PRELID2: variants seen among roughly 807,000 people sequenced by gnomAD.
The protein encoded by PRELID2 is PRELI domain-containing protein 2.
A neutral mutation model predicts 28.4 loss-of-function variants in PRELID2; 25 were observed. The ratio of observed to expected loss-of-function variants is 0.88; its 90% CI spans 0.64 to 1.23. The LOEUF is 1.23. PRELID2 is among the 50% of genes most tolerant of loss of function. The pLI, the probability that PRELID2 is intolerant of heterozygous loss-of-function variation, is 0.00. For synonymous variants in PRELID2, 76 were observed against 71.6 expected (o/e 1.06, Z -0.31); for missense variants, 201 against 214.4 (o/e 0.94, Z 0.39).
chr5:145,819,422 G>C (rs777178400), intron 3 of PRELID2: 2 of 1,580,804 alleles, frequency 1.3e-6, no homozygotes, highest in African/African-American at 1.4e-5. Context: ...GGACTTCAAA[G>C]AGAGAAAACA....
At chr5:145,754,932 T>C (rs1478501724), downstream of PRELID2, among the ~76,000 whole-genome samples, 2 of 152,180 alleles carry the variant, frequency 1.3e-5, no homozygotes, top group African/African-American at 4.8e-5. Context: ...CTTATATAAT[T>C]CTGACTGAAA....
At chr5:145,772,345 A>G (rs1758159705) in intron 5 of PRELID2, among the ~76,000 whole-genome samples, 1 of 152,214 alleles carries the variant, frequency 6.6e-6, no homozygotes, top group South Asian at 2.1e-4. Context: ...GGAAGTTTAA[A>G]TGAGAATGCA....
chr5:145,332,252 G>C, the PRELID2 span, among the ~76,000 whole-genome samples: 1 of 152,232 alleles, frequency 6.6e-6, no homozygotes, highest in South Asian at 2.1e-4. Context: ...TCTTGGGGTT[G>C]CTCTTCTCAA....
intron 1 of PRELID2, among the ~76,000 whole-genome samples, chr5:145,490,729 A>G (rs1266376434): frequency 6.6e-6 from 1 of 152,248 alleles, no homozygotes; most frequent in African/African-American, 2.4e-5. Context: ...AAATTTAATT[A>G]AACCTAAAGA....
chr5:145,241,547 C>T, the PRELID2 span, among the ~76,000 whole-genome samples: 10 of 151,968 alleles, frequency 6.6e-5, no homozygotes, highest in Non-Finnish European at 1.2e-4. Flanking sequence ...CACATATTAT[C>T]TGTTTTTTAA....
chr5:145,810,898 T>C (rs1017758916), intron 4 of PRELID2, among the ~76,000 whole-genome samples: 5 of 151,914 alleles, frequency 3.3e-5, no homozygotes, highest in Admixed American at 3.3e-4. Flanking sequence ...AGAATTCTTC[T>C]TTTTCCTCTT....
Position 145,822,964 on chromosome 5 carries a change from G to A in PRELID2, c.133+113C>T, listed in dbSNP as rs541082577. The A allele has an allele frequency of 1.1e-4, 64 of 561,880 alleles. 2 individuals carry two copies. The South Asian group carries it at 1.8e-3, about 16-fold the overall frequency. The allele number at this position is 561,880 out of a possible 1,614,324, so 34.8% of individuals were successfully genotyped here. A position where few individuals can be genotyped will look rare whatever the true frequency, so the allele number is the denominator to read the frequency against. Reference sequence around the variant, plus strand: ...AAACTAATAATGGAAGAAACTGCAGGTGAACAATTTTTTAAAAAAAACCTA... The same window carrying A: ...AAACTAATAATGGAAGAAACTGCAGATGAACAATTTTTTAAAAAAAACCTA... On this transcript the variant is annotated intron_variant, in intron 2 of 6. Transcript: ENST00000683046.
chr5:145,481,033 C>T (rs780177288), intron 1 of PRELID2, among the ~76,000 whole-genome samples: 1 of 152,094 alleles, frequency 6.6e-6, no homozygotes, highest in Non-Finnish European at 1.5e-5. Context: ...TATAGTCAGC[C>T]TCTATAATTC....
At chr5:145,324,533 G>C in the PRELID2 span, among the ~76,000 whole-genome samples, 3 of 152,168 alleles carry the variant, frequency 2.0e-5, no homozygotes, top group Non-Finnish European at 4.4e-5. Context: ...CAAGATTCCT[G>C]TCTACCCAGT....
At chr5:145,706,191 A>G (rs1408650081) in intron 1 of PRELID2, among the ~76,000 whole-genome samples, 1 of 152,208 alleles carries the variant, frequency 6.6e-6, no homozygotes, top group Admixed American at 6.5e-5. Flanking sequence ...AACTCCACCA[A>G]GGTCCCCTGG....
At position 145,733,423 on chromosome 5, in the gene PRELID2, G is replaced by C. The variant is rs980706680; in HGVS notation, n.70+31508C>G. 7.9e-5 allele frequency among the ~76,000 whole-genome samples: 12 copies of C among 152,164 alleles called. 1 individual carries two copies. Among genetic ancestry groups the C allele is most frequent in the Admixed American group, 7.2e-4 (11 of 15,274 alleles). ...CACAATTAAGATTGGCAGTTGGCTGGTTAATTGAGAAAGTGAATAATTTTA... is the reference window on the plus strand; with the variant it reads ...CACAATTAAGATTGGCAGTTGGCTGCTTAATTGAGAAAGTGAATAATTTTA... On this transcript the variant is annotated intron_variant and non_coding_transcript_variant, in intron 1 of 2. Transcript: ENST00000510259.
chr5:145,672,093 T>A (rs556591301), intron 1 of PRELID2, among the ~76,000 whole-genome samples: 2 of 152,204 alleles, frequency 1.3e-5, no homozygotes, highest in Non-Finnish European at 2.9e-5. Flanking sequence ...ACTTCTTCCA[T>A]GGCTCACTTG....
intron 5 of PRELID2, among the ~76,000 whole-genome samples, chr5:145,782,982 A>G (rs1030646865): frequency 6.6e-6 from 1 of 152,236 alleles, no homozygotes; most frequent in Non-Finnish European, 1.5e-5. Flanking sequence ...CAGCCCTCAG[A>G]GAGCGGCCAA....
At chr5:145,413,122 G>T in the PRELID2 span, among the ~76,000 whole-genome samples, 1 of 151,874 alleles carries the variant, frequency 6.6e-6, no homozygotes, top group Non-Finnish European at 1.5e-5. Context: ...AACCCACAAA[G>T]AACTCAAACA....
intron 5 of PRELID2, among the ~76,000 whole-genome samples, chr5:145,781,466 TGTAA>T (rs1195066897): frequency 1.3e-5 from 2 of 151,940 alleles, no homozygotes; most frequent in African/African-American, 4.8e-5. Flanking sequence ...AGCCCAATCC[TGTAA>T]GTAATGATGC....
intron 1 of PRELID2, among the ~76,000 whole-genome samples, chr5:145,649,690 C>T (rs1249669556): frequency 6.6e-6 from 1 of 152,098 alleles, no homozygotes; most frequent in African/African-American, 2.4e-5. Context: ...TTAAACTGTC[C>T]ATTTAATTCT....
At chr5:145,230,202 C>T in the PRELID2 span, 2 of 370,900 alleles carry the variant, frequency 5.4e-6, no homozygotes, top group South Asian at 2.3e-5. Context: ...GTTCCGTGGT[C>T]CCCCCAAAGC....
At chr5:145,800,045 G>C (rs533171779) in intron 4 of PRELID2, among the ~76,000 whole-genome samples, 1 of 152,142 alleles carries the variant, frequency 6.6e-6, no homozygotes, top group Non-Finnish European at 1.5e-5. Flanking sequence ...AAGGAAATGA[G>C]AGCCACGTCT....
chr5:145,822,487 C>T (rs1754897971), intron 2 of PRELID2, among the ~76,000 whole-genome samples: 1 of 152,128 alleles, frequency 6.6e-6, no homozygotes, highest in South Asian at 2.1e-4. Context: ...AAACAGGCAG[C>T]ACAAGCCATA....
Sources: gnomAD v4.1 joint callset for allele counts (sites outside exome capture counted in the v4.1 genomes callset) on GRCh38, gnomAD v4.1.1 for gene constraint, MANE v1.5 for transcripts, NCBI Gene and HGNC (gene_info 2026-07-23, HGNC 2026-07-21) for gene names.